The following ANKRD30B variants were observed in gnomAD, a reference collection of about 807,000 sequenced individuals.
ANKRD30B encodes ankyrin repeat domain 30B.
A neutral mutation model predicts 202.2 loss-of-function variants in ANKRD30B; 144 were observed. That is an observed-to-expected ratio of 0.71 (90% CI 0.62 to 0.82). The LOEUF (loss-of-function observed/expected upper bound fraction) is 0.82, where lower values mean the gene tolerates loss of function less well. Ranked by LOEUF, ANKRD30B falls within the 40% of genes least tolerant of loss-of-function variation. ANKRD30B has a pLI of 0.00. For synonymous variants in ANKRD30B, 508 were observed against 561.3 expected (o/e 0.91, Z 1.34); for missense variants, 1,487 against 1,669.1 (o/e 0.89, Z 1.90).
chr18:14,799,765 C>A (rs1417627296), intron 22 of ANKRD30B, among the ~76,000 whole-genome samples: 1 of 150,310 alleles, frequency 6.7e-6, no homozygotes, highest in Non-Finnish European at 1.5e-5. Context: ...GTGTGTGTGA[C>A]ATATAATTTT....
chr18:14,811,360 C>A (rs9303867), intron 28 of ANKRD30B, among the ~76,000 whole-genome samples: 2 of 149,564 alleles, frequency 1.3e-5, no homozygotes, highest in African/African-American at 5.0e-5. Flanking sequence ...TCCAGGCGCC[C>A]ACCACAACGC....
intron 7 of ANKRD30B, 26 bp from the exon 8 acceptor site, chr18:14,769,317 T>C: frequency 1.4e-6 from 2 of 1,465,638 alleles, no homozygotes; most frequent in Middle Eastern, 2.3e-4. Flanking sequence ...GTTAATTTAA[T>C]GTATTTTACT....
chr18:14,834,779 C>T (rs1971100710), intron 34 of ANKRD30B, among the ~76,000 whole-genome samples: 1 of 151,692 alleles, frequency 6.6e-6, no homozygotes. Context: ...ATAATATGTA[C>T]CCCCAAAACG....
chr18:14,895,266 C>T, the ANKRD30B span, among the ~76,000 whole-genome samples: 5 of 151,052 alleles, frequency 3.3e-5, no homozygotes, highest in African/African-American at 1.2e-4. Context: ...GCACATGTAC[C>T]CCCTGAATCT....
intron 7 of ANKRD30B, among the ~76,000 whole-genome samples, chr18:14,764,866 C>T (rs1346843371): frequency 6.6e-6 from 1 of 152,170 alleles, no homozygotes; most frequent in Non-Finnish European, 1.5e-5. Flanking sequence ...ACCACATGCT[C>T]ATTTCTAAGC....
chr18:14,897,928 T>C, the ANKRD30B span, among the ~76,000 whole-genome samples: 1 of 152,242 alleles, frequency 6.6e-6, no homozygotes, highest in Admixed American at 6.5e-5. Context: ...AAACTCCTAA[T>C]TGCCAAATCC....
chr18:14,760,652 T>C (rs759571090), intron 6 of ANKRD30B, 34 bp downstream of exon 6: 13 of 1,423,792 alleles, frequency 9.1e-6, no homozygotes, highest in Non-Finnish European at 1.2e-5. Context: ...CTCTTGATGG[T>C]GCTACCATAA....
At chr18:14,907,326 G>A in the ANKRD30B span, among the ~76,000 whole-genome samples, 1 of 151,694 alleles carries the variant, frequency 6.6e-6, no homozygotes, top group Non-Finnish European at 1.5e-5. Context: ...AAAAAAAAAA[G>A]ACATCAAATG....
At chr18:14,807,296 G>GT (rs554738047) in intron 24 of ANKRD30B, among the ~76,000 whole-genome samples, 6 of 150,918 alleles carry the variant, frequency 4.0e-5, no homozygotes, top group African/African-American at 1.2e-4. Context: ...AGAAATGTCT[G>GT]TTTTTTTCTT....
chr18:14,870,822 C>T, the ANKRD30B span, among the ~76,000 whole-genome samples: 5 of 152,090 alleles, frequency 3.3e-5, no homozygotes, highest in South Asian at 2.1e-4. Context: ...TGCTCTGGTC[C>T]GCTTCCTTGG....
chr18:14,778,724 C>G (rs1214968309), intron 10 of ANKRD30B, among the ~76,000 whole-genome samples: 1 of 152,136 alleles, frequency 6.6e-6, no homozygotes, highest in South Asian at 2.1e-4. Context: ...ATTCAGCAGA[C>G]TTGGGATTCT....
chr18:14,899,634 A>T, the ANKRD30B span, among the ~76,000 whole-genome samples: 1 of 152,178 alleles, frequency 6.6e-6, no homozygotes, highest in Non-Finnish European at 1.5e-5. Flanking sequence ...TCTGTAACAT[A>T]CAAAGTTATT....
intron 12 of ANKRD30B, 41 bp downstream of exon 12, chr18:14,782,655 G>A (rs780400095): frequency 2.2e-6 from 3 of 1,374,910 alleles, no homozygotes; most frequent in South Asian, 2.7e-5. Context: ...TTAACCATAT[G>A]TTTGTCTAAA....
At chr18:14,897,372 G>A in the ANKRD30B span, among the ~76,000 whole-genome samples, 1 of 152,094 alleles carries the variant, frequency 6.6e-6, no homozygotes, top group Admixed American at 6.5e-5. Flanking sequence ...GTAGAGACCC[G>A]GTTTTGCCAT....
the ANKRD30B span, among the ~76,000 whole-genome samples, chr18:14,913,597 T>C: frequency 2.0e-5 from 3 of 152,240 alleles, no homozygotes; most frequent in Non-Finnish European, 2.9e-5. Flanking sequence ...AGAGGCTTAT[T>C]ACGTGGCAAG....
At chr18:14,866,756 C>T in the ANKRD30B span, among the ~76,000 whole-genome samples, 4 of 151,968 alleles carry the variant, frequency 2.6e-5, no homozygotes, top group African/African-American at 7.2e-5. Context: ...CGCTATCGGG[C>T]GTTGAATTGC....
At chr18:14,873,879 T>C in the ANKRD30B span, among the ~76,000 whole-genome samples, 2 of 152,130 alleles carry the variant, frequency 1.3e-5, no homozygotes, top group African/African-American at 4.8e-5. Context: ...CGGTGTCAAG[T>C]GCACTCCTCA....
At chr18:14,873,454 G>A in the ANKRD30B span, among the ~76,000 whole-genome samples, 1 of 150,538 alleles carries the variant, frequency 6.6e-6, no homozygotes, top group Non-Finnish European at 1.5e-5. Flanking sequence ...GAACCTGGGA[G>A]GCAGAGGTTG....
chr18:14,822,063 G>C (rs1467299639), intron 30 of ANKRD30B, among the ~76,000 whole-genome samples: 2 of 151,904 alleles, frequency 1.3e-5, no homozygotes, highest in Non-Finnish European at 1.5e-5. Context: ...AAGTGATTCT[G>C]ATGTGTTTCT....
Sources: allele counts gnomAD v4.1 joint callset (sites outside exome capture counted in the v4.1 genomes callset), GRCh38; gene constraint gnomAD v4.1.1; transcripts MANE v1.5; gene names NCBI Gene and HGNC (gene_info 2026-07-23, HGNC 2026-07-21).